Variants in TOX observed in about 807,000 individuals in gnomAD.
TOX encodes the protein thymocyte selection associated high mobility group box, also known as thymocyte selection-associated high mobility group box protein TOX.
A neutral mutation model predicts 53.7 loss-of-function variants in TOX; 11 were observed. That is an observed-to-expected ratio of 0.20 (90% CI 0.13 to 0.34). The LOEUF (loss-of-function observed/expected upper bound fraction) is 0.34. Ranked by LOEUF, TOX falls within the 10% of genes least tolerant of loss-of-function variation. The probability of loss-of-function intolerance (pLI) is 1.00; values close to 1 mark genes in which losing one functional copy is unlikely to be tolerated. For synonymous variants in TOX, 225 were observed against 245.3 expected (o/e 0.92, Z 0.77); for missense variants, 570 against 664.6 (o/e 0.86, Z 1.56).
intron 1 of TOX, among the ~76,000 whole-genome samples, chr8:59,062,391 G>A (rs1306057111): frequency 6.6e-6 from 1 of 152,224 alleles, no homozygotes; most frequent in African/African-American, 2.4e-5. Flanking sequence ...AAGGGCTGGT[G>A]CAGGATGGTG....
At chr8:58,933,609 C>T (rs1812296263) in intron 3 of TOX, among the ~76,000 whole-genome samples, 1 of 151,940 alleles carries the variant, frequency 6.6e-6, no homozygotes, top group African/African-American at 2.4e-5. Context: ...CAGCCAAAGC[C>T]ATGGCAAGAA....
At chr8:59,036,557 AC>A (rs989131890) in intron 1 of TOX, among the ~76,000 whole-genome samples, 5 of 152,178 alleles carry the variant, frequency 3.3e-5, no homozygotes, top group African/African-American at 1.2e-4. Context: ...CTATGTCCAA[AC>A]CCTCTACCCA....
intron 1 of TOX, among the ~76,000 whole-genome samples, chr8:59,030,280 C>T (rs1814330512): frequency 6.6e-6 from 1 of 152,130 alleles, no homozygotes; most frequent in South Asian, 2.1e-4. Flanking sequence ...AAAACAGTGA[C>T]ATCTTAAGAT....
chr8:59,054,916 G>T (rs192718883), intron 1 of TOX, among the ~76,000 whole-genome samples: 1 of 104,794 alleles, frequency 9.5e-6, no homozygotes, highest in African/African-American at 3.2e-5. Context: ...GAAAGAAAGA[G>T]AAAGAAAGAA....
intron 1 of TOX, among the ~76,000 whole-genome samples, chr8:59,092,102 A>G (rs1010219859): frequency 6.6e-6 from 1 of 150,752 alleles, no homozygotes; most frequent in Non-Finnish European, 1.5e-5. Context: ...ATACAAAAAA[A>G]TTAGCTGGGA....
rs200546698 is a variant in TOX, at chr8:58,826,900, G to A, written c.927C>T (p.Val309=). 23 of 1,610,794 alleles carry A rather than the reference G, an allele frequency of 1.4e-5. No individual in the cohort carries two copies. In the East Asian group the frequency reaches 2.9e-4, roughly 20 times the overall value. The change falls in exon 6 of 9, where the codon GTC becomes GTT. Residue 309 remains valine (V), a splice_region_variant and synonymous_variant. Transcript: ENST00000361421. ...WDGLGEEQKQ[V]YKKKTEAAKK... is the part of the protein sequence containing the mutation. The stretch of plus-strand genomic sequence containing the variant: ...TCGCAGCCTCGGTTTTCTTTTTATA[G>A]ACCTGCAACAACAGCAAAGAGTCTT...
At chr8:58,846,135 T>C (rs975939192) in intron 4 of TOX, among the ~76,000 whole-genome samples, 3 of 152,142 alleles carry the variant, frequency 2.0e-5, no homozygotes, top group African/African-American at 7.2e-5. Flanking sequence ...TTAGGAAAGA[T>C]GATTTGGAAC....
chr8:58,929,256 T>C (rs1426759202), intron 3 of TOX, among the ~76,000 whole-genome samples: 1 of 152,142 alleles, frequency 6.6e-6, no homozygotes, highest in Admixed American at 6.5e-5. Flanking sequence ...ATGATTTTGG[T>C]ATTTTTCATA....
chr8:59,102,179 A>T (rs1263717876), intron 1 of TOX, among the ~76,000 whole-genome samples: 1 of 152,202 alleles, frequency 6.6e-6, no homozygotes, highest in Non-Finnish European at 1.5e-5. Context: ...TCTTATGTGG[A>T]TGGCGGCAGG....
At chr8:58,810,567 C>T (rs1020835104) in intron 7 of TOX, among the ~76,000 whole-genome samples, 6 of 151,598 alleles carry the variant, frequency 4.0e-5, no homozygotes, top group African/African-American at 9.7e-5. Flanking sequence ...TTCCCAGGCT[C>T]ATTTCCAATT....
At chr8:58,892,594 C>T (rs926352182) in intron 3 of TOX, among the ~76,000 whole-genome samples, 4 of 152,076 alleles carry the variant, frequency 2.6e-5, no homozygotes, top group African/African-American at 9.7e-5. Context: ...AGAACACTGC[C>T]CGTACAGGAT....
At chr8:58,910,438 G>A (rs536822184) in intron 3 of TOX, among the ~76,000 whole-genome samples, 18 of 152,266 alleles carry the variant, frequency 1.2e-4, no homozygotes, top group Non-Finnish European at 2.5e-4. Flanking sequence ...GTCAAAGAGT[G>A]GGTAGATGGT....
At chr8:59,030,089 A>G (rs1417148685) in intron 1 of TOX, among the ~76,000 whole-genome samples, 1 of 152,274 alleles carries the variant, frequency 6.6e-6, no homozygotes, top group South Asian at 2.1e-4. Context: ...TTAGTAAAGC[A>G]TGCCTCAAAG....
intron 1 of TOX, among the ~76,000 whole-genome samples, chr8:59,025,450 G>A (rs1390731727): frequency 6.9e-6 from 1 of 143,914 alleles, no homozygotes; most frequent in African/African-American, 2.5e-5. Flanking sequence ...CGGGAAGGTA[G>A]GACTACACAT....
At chr8:58,832,322 C>T (rs1369400102) in intron 5 of TOX, among the ~76,000 whole-genome samples, 1 of 151,656 alleles carries the variant, frequency 6.6e-6, no homozygotes, top group African/African-American at 2.4e-5. Context: ...TGCTTACATT[C>T]TACAGTTTTT....
intron 3 of TOX, among the ~76,000 whole-genome samples, chr8:58,928,971 T>G (rs1312284070): frequency 6.6e-6 from 1 of 152,166 alleles, no homozygotes; most frequent in South Asian, 2.1e-4. Flanking sequence ...ATTAAGATCA[T>G]GATTAAAGAA....
chr8:59,028,315 C>G (rs1229476413), intron 1 of TOX, among the ~76,000 whole-genome samples: 1 of 151,818 alleles, frequency 6.6e-6, no homozygotes. Flanking sequence ...AAACCAATGG[C>G]TATAATACGA....
At chr8:58,867,547 T>C (rs527922578) in intron 3 of TOX, among the ~76,000 whole-genome samples, 79 of 152,350 alleles carry the variant, frequency 5.2e-4, no homozygotes, top group African/African-American at 1.9e-3. Flanking sequence ...CCCAAGCATC[T>C]TTTTCACAGC....
chr8:58,972,160 G>T (rs10156249), intron 1 of TOX, among the ~76,000 whole-genome samples: 30,349 of 152,010 alleles, frequency 0.2, 3,243 homozygotes, highest in Non-Finnish European at 0.22. Flanking sequence ...ATACATAGAC[G>T]TGCATATTCT....
Sources: allele counts gnomAD v4.1 joint callset (sites outside exome capture counted in the v4.1 genomes callset), GRCh38; gene constraint gnomAD v4.1.1; transcripts MANE v1.5; gene names NCBI Gene and HGNC (gene_info 2026-07-23, HGNC 2026-07-21).